TTC6: variants seen among roughly 807,000 people sequenced by gnomAD.
TTC6 encodes tetratricopeptide repeat domain 6.
A neutral mutation model predicts 210.4 loss-of-function variants in TTC6; 172 were observed. The ratio of observed to expected loss-of-function variants is 0.82; its 90% CI spans 0.72 to 0.93. The LOEUF (loss-of-function observed/expected upper bound fraction) is 0.93, where lower values mean the gene tolerates loss of function less well. Among genes scored for constraint, TTC6 ranks in the 40% least tolerant of loss-of-function variants. The probability of loss-of-function intolerance (pLI) is 0.00; values close to 1 mark genes in which losing one functional copy is unlikely to be tolerated. For synonymous variants in TTC6, 804 were observed against 819.6 expected (o/e 0.98, Z 0.32); for missense variants, 2,414 against 2,318.1 (o/e 1.04, Z -0.85).
At chr14:37,634,848 C>T (rs917671505) in intron 1 of TTC6, among the ~76,000 whole-genome samples, 2 of 152,142 alleles carry the variant, frequency 1.3e-5, no homozygotes, top group Non-Finnish European at 2.9e-5. Context: ...AAGAAAAGAA[C>T]TACCAGAATT....
chr14:37,635,664 G>T (rs1374491017), intron 1 of TTC6, among the ~76,000 whole-genome samples: 2 of 152,118 alleles, frequency 1.3e-5, no homozygotes. Context: ...ACCAGATAAG[G>T]TAGACTTCAG....
chr14:37,753,115 C>A, exon 14 of TTC6: 1 of 1,532,424 alleles, frequency 6.5e-7, no homozygotes, highest in Non-Finnish European at 8.7e-7. Flanking sequence ...TTTTATGATC[C>A]CAAAAGAACA....
At chr14:37,640,131 A>C (rs1248973400) in intron 1 of TTC6, among the ~76,000 whole-genome samples, 2 of 152,052 alleles carry the variant, frequency 1.3e-5, no homozygotes, top group African/African-American at 4.8e-5. Flanking sequence ...ATTTTCCATG[A>C]GAGTGTTTTT....
chr14:37,621,962 C>G (rs1371493485), upstream of TTC6: 2 of 855,028 alleles, frequency 2.3e-6, no homozygotes, highest in African/African-American at 3.5e-5. Flanking sequence ...AGAAGCTTTG[C>G]TGAGCTGAAA....
In TTC6 at chr14:37,609,435, C is replaced by G. The variant is rs7151179; in HGVS notation, c.-155+2693C>G. On this transcript the variant is annotated intron_variant, in intron 2 of 2. Coordinates refer to the TTC6 transcript ENST00000556845. ...TGTCTCAATCAATCAATCAATCAAT[C>G]AATAAACTAGACCTAGAACAGAGGT... Among the ~76,000 whole-genome samples the G allele has an allele frequency of 2.2e-3, 334 of 151,996 alleles. 1 individual carries two copies. The highest frequency in any genetic ancestry group is 7.7e-3 in the African/African-American group (319 of 41,444).
intron 29 of TTC6, among the ~76,000 whole-genome samples, chr14:37,830,357 G>C (rs1254171388): frequency 6.6e-6 from 1 of 151,740 alleles, no homozygotes; most frequent in Non-Finnish European, 1.5e-5. Context: ...CACAGTATAT[G>C]TTTTCAGTAC....
exon 11 of TTC6, chr14:37,749,156 G>T (rs2095944598): frequency 6.5e-7 from 1 of 1,535,322 alleles, no homozygotes; most frequent in Non-Finnish European, 8.7e-7. Flanking sequence ...AAAAGAGAAA[G>T]ATGATAAAAT....
At chr14:37,709,889 C>T (rs1334037108) in intron 5 of TTC6, among the ~76,000 whole-genome samples, 1 of 152,026 alleles carries the variant, frequency 6.6e-6, no homozygotes, top group Non-Finnish European at 1.5e-5. Flanking sequence ...AGATGAAAAC[C>T]TAAAGCTTTT....
rs1374857977 is a variant in TTC6, at chr14:37,749,382, C to A, written c.2807C>A (p.Ala936Asp). 2.8e-6 allele frequency: 4 copies of A among 1,446,432 alleles called. No homozygotes were observed. The East Asian group carries it at 1.0e-4, about 36-fold the overall frequency. 89.6% of individuals were successfully genotyped at this position (1,446,432 alleles called of 1,614,324 possible). A position where few individuals can be genotyped will look rare whatever the true frequency, so the allele number is the denominator to read the frequency against. The change falls in exon 11 of 31, where the codon GCC (alanine) becomes GAC (aspartate). Residue 936 changes from alanine to aspartate, a missense_variant. Physicochemically the swap from Ala to Asp is moderately radical, Grantham distance 126. Coordinates refer to ENST00000553443, the Ensembl canonical transcript of TTC6. Reference sequence around the variant, plus strand: ...AGGAAACTGGGAAAGTTGCAGAGTGCCATGAATGATCTGCAGAGAGTAAGT... The same window carrying A: ...AGGAAACTGGGAAAGTTGCAGAGTGACATGAATGATCTGCAGAGAGTAAGT...
intron 26 of TTC6, among the ~76,000 whole-genome samples, chr14:37,818,837 A>C (rs1167544904): frequency 6.6e-6 from 1 of 152,146 alleles, no homozygotes; most frequent in Non-Finnish European, 1.5e-5. Flanking sequence ...CATTCTTAAG[A>C]GATGGAATAA....
At chr14:37,601,019 T>C (rs1238679859) in intron 1 of TTC6, among the ~76,000 whole-genome samples, 3 of 152,198 alleles carry the variant, frequency 2.0e-5, no homozygotes, top group Non-Finnish European at 4.4e-5. Context: ...TTTGCTGGGT[T>C]ACTAGCAAGA....
intron 14 of TTC6, among the ~76,000 whole-genome samples, chr14:37,774,348 G>A (rs2096030517): frequency 6.6e-6 from 1 of 152,056 alleles, no homozygotes; most frequent in Non-Finnish European, 1.5e-5. Flanking sequence ...GGTTTTTAAG[G>A]GGAATGCTAC....
intron 29 of TTC6, among the ~76,000 whole-genome samples, chr14:37,835,891 A>T (rs866062373): frequency 6.6e-6 from 1 of 151,184 alleles, no homozygotes; most frequent in African/African-American, 2.4e-5. Flanking sequence ...GTTGATCTCT[A>T]TCTCCTTACT....
intron 20 of TTC6, 84 bp from the exon 23 acceptor site, chr14:37,804,596 C>A: frequency 6.6e-7 from 1 of 1,519,810 alleles, no homozygotes; most frequent in Non-Finnish European, 8.9e-7. Flanking sequence ...GCTCTGTGCT[C>A]CTTTTAACAT....
In TTC6 at chr14:37,665,196, T is replaced by C. The variant is rs2095745415; in HGVS notation, c.940-14955T>C. Reference sequence around the variant, plus strand: ...TCATTCTACCATAAAGATACATGCATGCAAATGTTCATTGCAGCACTATTC... The same window carrying C: ...TCATTCTACCATAAAGATACATGCACGCAAATGTTCATTGCAGCACTATTC... On this transcript the variant is annotated intron_variant, in intron 1 of 30. Transcript: ENST00000553443. Among the ~76,000 whole-genome samples the C allele has an allele frequency of 2.0e-5, 3 of 150,524 alleles. No individual in the cohort carries two copies. The South Asian group carries it at 6.4e-4, about 32-fold the overall frequency.
chr14:37,719,218 A>G (rs2138790203), intron 6 of TTC6, among the ~76,000 whole-genome samples: 1 of 152,346 alleles, frequency 6.6e-6, no homozygotes, highest in East Asian at 1.9e-4. Context: ...ATCTAAGTAA[A>G]TAGAGAGATT....
intron 5 of TTC6, among the ~76,000 whole-genome samples, chr14:37,711,506 T>C (rs772106568): frequency 7.9e-5 from 12 of 152,292 alleles, no homozygotes; most frequent in Non-Finnish European, 1.3e-4. Flanking sequence ...ATTACTATAA[T>C]GGCCTGTTGA....
intron 14 of TTC6, among the ~76,000 whole-genome samples, chr14:37,763,615 A>G (rs1048345261): frequency 1.3e-5 from 2 of 152,124 alleles, no homozygotes; most frequent in Non-Finnish European, 2.9e-5. Flanking sequence ...ATTCTTTTAC[A>G]TAATACTACT....
intron 1 of TTC6, among the ~76,000 whole-genome samples, chr14:37,660,792 C>T (rs2095735824): frequency 6.6e-6 from 1 of 152,176 alleles, no homozygotes; most frequent in Non-Finnish European, 1.5e-5. Context: ...AACTAATTTA[C>T]ACTCCCACCA....
Sources: allele counts gnomAD v4.1 joint callset (sites outside exome capture counted in the v4.1 genomes callset), GRCh38; gene constraint gnomAD v4.1.1; transcripts MANE v1.5; gene names NCBI Gene and HGNC (gene_info 2026-07-23, HGNC 2026-07-21).